The following HHAT variants were observed in gnomAD, a reference collection of about 807,000 sequenced individuals.
HHAT encodes hedgehog acyltransferase.
In HHAT, 47 loss-of-function variants were observed where a neutral mutation model predicts 70.8. The ratio of observed to expected loss-of-function variants is 0.66; its 90% confidence interval spans 0.53 to 0.85. HHAT has a LOEUF of 0.85. Among genes scored for constraint, HHAT ranks in the 40% least tolerant of loss-of-function variants. HHAT has a pLI of 0.00. For missense variants in HHAT, 609 were observed against 604.8 expected (o/e 1.01, Z -0.07); for synonymous variants, 228 against 247.6 (o/e 0.92, Z 0.74).
rs12034409 is a variant in HHAT, at chr1:210,477,192, G to A, written c.1007+12537G>A. ...AGGGCAGCTCTTTGGAGGAGGTAAGGAATCAGGGAAGCTCGACTTACAGGT... is the reference window on the plus strand; with the variant it reads ...AGGGCAGCTCTTTGGAGGAGGTAAGAAATCAGGGAAGCTCGACTTACAGGT... On this transcript the variant is annotated intron_variant, in intron 8 of 11. Transcript: ENST00000261458. 1.9e-3 allele frequency among the ~76,000 whole-genome samples: 292 copies of A among 152,154 alleles called. 5 individuals are homozygous for A. In the East Asian group the frequency reaches 0.039, roughly 20 times the overall value.
intron 7 of HHAT, among the ~76,000 whole-genome samples, chr1:210,422,252 T>C (rs1026118615): frequency 3.9e-5 from 6 of 152,244 alleles, no homozygotes; most frequent in African/African-American, 1.4e-4. Flanking sequence ...TCATCACAAA[T>C]AGTTATCATT....
chr1:210,383,927 C>A (rs1197882548), intron 3 of HHAT, among the ~76,000 whole-genome samples: 3 of 152,104 alleles, frequency 2.0e-5, no homozygotes, highest in African/African-American at 7.2e-5. Flanking sequence ...AGCACTGTTA[C>A]CCCTCTCATT....
At chr1:210,591,473 A>T (rs1346605465) in intron 10 of HHAT, among the ~76,000 whole-genome samples, 1 of 152,122 alleles carries the variant, frequency 6.6e-6, no homozygotes, top group African/African-American at 2.4e-5. Context: ...TTGCTTCCAA[A>T]TCTTGGCTAT....
chr1:210,671,403 A>T (rs1017228590), intron 11 of HHAT, among the ~76,000 whole-genome samples: 2 of 152,220 alleles, frequency 1.3e-5, no homozygotes, highest in African/African-American at 4.8e-5. Context: ...GGATGGGTCC[A>T]TGTGGAAGTT....
intron 7 of HHAT, 22 bp from the exon 8 acceptor site, chr1:210,464,483 G>C (rs571799429): frequency 1.3e-5 from 21 of 1,614,022 alleles, no homozygotes; most frequent in African/African-American, 2.7e-5. Flanking sequence ...CCATGTGTCT[G>C]ACTGGTCTGT....
chr1:210,633,486 T>A (rs1671269519), intron 11 of HHAT, among the ~76,000 whole-genome samples: 1 of 152,114 alleles, frequency 6.6e-6, no homozygotes, highest in African/African-American at 2.4e-5. Context: ...GTGATCCAGG[T>A]CAGGCAAGAG....
chr1:210,564,490 G>A (rs1039928993), intron 9 of HHAT, among the ~76,000 whole-genome samples: 3 of 152,166 alleles, frequency 2.0e-5, no homozygotes, highest in African/African-American at 7.2e-5. Context: ...CTCATGATTA[G>A]GTGAACAGAA....
intron 8 of HHAT, among the ~76,000 whole-genome samples, chr1:210,502,653 T>C (rs967429594): frequency 6.6e-6 from 1 of 152,194 alleles, no homozygotes; most frequent in Non-Finnish European, 1.5e-5. Context: ...GGCTGTTAAA[T>C]GCCTGTAATA....
chr1:210,615,499 A>T (rs1412419266), intron 10 of HHAT, among the ~76,000 whole-genome samples: 3 of 152,160 alleles, frequency 2.0e-5, no homozygotes, highest in African/African-American at 7.2e-5. Flanking sequence ...ATTCCTTTGA[A>T]GGAGGAGAGG....
chr1:210,510,857 C>T (rs921030975), intron 8 of HHAT, among the ~76,000 whole-genome samples: 29 of 152,300 alleles, frequency 1.9e-4, no homozygotes, highest in African/African-American at 5.5e-4. Flanking sequence ...CTATATACTG[C>T]GGATCTCTGT....
At chr1:210,347,425 CTTGGTGGGG>C (rs963022163) in intron 1 of HHAT, among the ~76,000 whole-genome samples, 2 of 152,088 alleles carry the variant, frequency 1.3e-5, no homozygotes, top group Admixed American at 6.6e-5. Context: ...GTTAGAAGTA[CTTGGTGGGG>C]TTGGTGGGAG....
At chr1:210,462,411 G>C (rs897261744) in intron 7 of HHAT, 1 of 152,214 alleles carries the variant, frequency 6.6e-6, no homozygotes, top group African/African-American at 2.4e-5. Context: ...TTTTGCATGA[G>C]TTGCGAGCCT....
chr1:210,468,182 T>C (rs181698602), intron 8 of HHAT, among the ~76,000 whole-genome samples: 1 of 152,304 alleles, frequency 6.6e-6, no homozygotes, highest in East Asian at 1.9e-4. Context: ...AAATTGATAA[T>C]TTTCTGCTTA....
intron 9 of HHAT, among the ~76,000 whole-genome samples, chr1:210,585,145 A>C: frequency 6.7e-6 from 1 of 150,034 alleles, no homozygotes; most frequent in Non-Finnish European, 1.5e-5. Context: ...GGAAGCAGTA[A>C]GTTGGCTGTA....
intron 9 of HHAT, among the ~76,000 whole-genome samples, chr1:210,521,178 A>G (rs2095151300): frequency 1.3e-5 from 2 of 152,374 alleles, no homozygotes; most frequent in South Asian, 4.1e-4. Flanking sequence ...TTTATATGAA[A>G]TAGTGTGTGC....
chr1:210,578,147 T>C (rs1319652293), intron 9 of HHAT, among the ~76,000 whole-genome samples: 1 of 152,228 alleles, frequency 6.6e-6, no homozygotes. Context: ...GTGAGGTTTT[T>C]AATTACTGAT....
At chr1:210,356,247 C>G (rs2087607713) in intron 2 of HHAT, among the ~76,000 whole-genome samples, 1 of 152,116 alleles carries the variant, frequency 6.6e-6, no homozygotes, top group African/African-American at 2.4e-5. Context: ...AGCAGCTACC[C>G]TAGAACCTTC....
At chr1:210,328,777 C>G (rs2084719161), upstream of HHAT, 1 of 349,722 alleles carries the variant, frequency 2.9e-6, no homozygotes, top group South Asian at 1.5e-4. Context: ...CCCCGGGCCG[C>G]CGGCGGGGCA....
At chr1:210,511,035 C>T (rs564242316) in intron 8 of HHAT, among the ~76,000 whole-genome samples, 24 of 152,282 alleles carry the variant, frequency 1.6e-4, no homozygotes, top group African/African-American at 5.5e-4. Flanking sequence ...ATCTGGCAAC[C>T]TTAAAATTGC....
Sources: allele counts gnomAD v4.1 joint callset (sites outside exome capture counted in the v4.1 genomes callset), GRCh38; gene constraint gnomAD v4.1.1; transcripts MANE v1.5; gene names NCBI Gene and HGNC (gene_info 2026-07-23, HGNC 2026-07-21).